Variants in SPATA16 observed in about 807,000 individuals in gnomAD.
SPATA16 encodes the protein spermatogenesis-associated protein 16.
In SPATA16, 36 loss-of-function variants were observed where a neutral mutation model predicts 63.3. The ratio of observed to expected loss-of-function variants is 0.57; its 90% CI spans 0.44 to 0.75. The LOEUF (loss-of-function observed/expected upper bound fraction) is 0.75. Among genes scored for constraint, SPATA16 ranks in the 30% least tolerant of loss-of-function variants. SPATA16 has a pLI of 0.00. For synonymous variants in SPATA16, 203 were observed against 216.7 expected (o/e 0.94, Z 0.56); for missense variants, 646 against 679.3 (o/e 0.95, Z 0.54).
At chr3:173,053,480 TCTAA>T (rs1467523817) in intron 2 of SPATA16, among the ~76,000 whole-genome samples, 1 of 152,170 alleles carries the variant, frequency 6.6e-6, no homozygotes, top group East Asian at 1.9e-4. Context: ...GAAATAAATA[TCTAA>T]CTTACTTTTA....
chr3:172,892,400 CT>C (rs1731910616), intron 10 of SPATA16, among the ~76,000 whole-genome samples: 1 of 152,206 alleles, frequency 6.6e-6, no homozygotes, highest in Non-Finnish European at 1.5e-5. Context: ...AAAGACACAT[CT>C]GGTCATAAAA....
Position 173,006,170 on chromosome 3 carries a change from C to T in SPATA16, c.848+13316G>A, listed in dbSNP as rs79060445. Among the ~76,000 whole-genome samples the T allele has an allele frequency of 3.4e-3, 523 of 152,284 alleles. 4 individuals carry two copies. The highest frequency in any genetic ancestry group is 0.012 in the African/African-American group (498 of 41,570). On this transcript the variant is annotated intron_variant, in intron 4 of 10. Transcript: ENST00000351008. The stretch of plus-strand genomic sequence containing the variant: ...CAGTTTTAGATATCATACACCAAGA[C>T]ACAACATTTTTACAGTGCTTAGCAT...
intron 2 of SPATA16, among the ~76,000 whole-genome samples, chr3:173,102,094 T>G (rs1186408785): frequency 2.0e-5 from 3 of 152,196 alleles, no homozygotes; most frequent in Non-Finnish European, 4.4e-5. Context: ...ATCCCTTTCC[T>G]TAGAGAGGTC....
At chr3:173,069,188 T>C (rs563444492) in intron 2 of SPATA16, among the ~76,000 whole-genome samples, 1 of 146,904 alleles carries the variant, frequency 6.8e-6, no homozygotes, top group South Asian at 2.2e-4. Flanking sequence ...ACAAAACACA[T>C]AATGAAATGA....
chr3:173,040,035 CTA>C (rs1330388739), intron 3 of SPATA16, among the ~76,000 whole-genome samples: 2 of 152,128 alleles, frequency 1.3e-5, no homozygotes, highest in African/African-American at 4.8e-5. Context: ...TCTGTCTTTG[CTA>C]TGTCTTTACA....
intron 4 of SPATA16, among the ~76,000 whole-genome samples, chr3:173,005,438 T>A (rs1490272744): frequency 6.6e-6 from 1 of 152,076 alleles, no homozygotes; most frequent in African/African-American, 2.4e-5. Flanking sequence ...TGTTCCCTCT[T>A]TTGTAGTTTT....
At chr3:173,051,498 G>A (rs913657583) in intron 2 of SPATA16, among the ~76,000 whole-genome samples, 4 of 151,940 alleles carry the variant, frequency 2.6e-5, no homozygotes, top group African/African-American at 9.7e-5. Context: ...ACCGTGCCCA[G>A]CCAATTTTTG....
At chr3:173,097,579 A>G (rs1737389562) in intron 2 of SPATA16, among the ~76,000 whole-genome samples, 1 of 152,214 alleles carries the variant, frequency 6.6e-6, no homozygotes, top group Non-Finnish European at 1.5e-5. Context: ...AGGCATGAAC[A>G]GAAAATGTGT....
At chr3:173,109,444 C>A (rs1197107679) in intron 2 of SPATA16, among the ~76,000 whole-genome samples, 1 of 152,092 alleles carries the variant, frequency 6.6e-6, no homozygotes, top group Non-Finnish European at 1.5e-5. Context: ...AAGAGTGGCC[C>A]ATCAAAATGA....
At chr3:172,910,221 G>T (rs1030015082) in intron 10 of SPATA16, among the ~76,000 whole-genome samples, 5 of 151,620 alleles carry the variant, frequency 3.3e-5, no homozygotes, top group African/African-American at 1.2e-4. Flanking sequence ...AGCCTCCTGA[G>T]TAGCTGGGAT....
At chr3:173,059,491 T>C (rs917785693) in intron 2 of SPATA16, among the ~76,000 whole-genome samples, 2 of 152,016 alleles carry the variant, frequency 1.3e-5, no homozygotes, top group African/African-American at 4.8e-5. Flanking sequence ...TATATAAATT[T>C]GTTGTATGCT....
At chr3:173,030,052 ACTTTACTATCTATCTAT>A (rs1353365955) in intron 3 of SPATA16, among the ~76,000 whole-genome samples, 1 of 134,176 alleles carries the variant, frequency 7.5e-6, no homozygotes, top group African/African-American at 2.8e-5. Flanking sequence ...CAGAGTGGTT[ACTTTACTATCTATCTAT>A]CTATCTATCT....
chr3:172,991,302 C>G (rs1734572200), intron 4 of SPATA16, among the ~76,000 whole-genome samples: 1 of 152,116 alleles, frequency 6.6e-6, no homozygotes, highest in Non-Finnish European at 1.5e-5. Context: ...ACAATATATC[C>G]TTTCTCTACT....
At chr3:172,998,881 ACCTG>A (rs1167155759) in intron 4 of SPATA16, among the ~76,000 whole-genome samples, 1 of 152,190 alleles carries the variant, frequency 6.6e-6, no homozygotes, top group Non-Finnish European at 1.5e-5. Context: ...ATTTTTCTAT[ACCTG>A]GAATACATTC....
intron 4 of SPATA16, among the ~76,000 whole-genome samples, chr3:173,012,948 C>T (rs932678644): frequency 3.3e-5 from 5 of 152,132 alleles, no homozygotes; most frequent in African/African-American, 1.2e-4. Context: ...AGCTTCTGCA[C>T]AGCAAAATAA....
At chr3:173,114,469 G>A (rs1001478117) in intron 2 of SPATA16, among the ~76,000 whole-genome samples, 2 of 152,138 alleles carry the variant, frequency 1.3e-5, no homozygotes, top group East Asian at 1.9e-4. Flanking sequence ...TGGATAGAAT[G>A]TGTATCTGAT....
intron 2 of SPATA16, among the ~76,000 whole-genome samples, chr3:173,109,305 C>T (rs569225707): frequency 5.9e-5 from 9 of 152,272 alleles, no homozygotes; most frequent in Admixed American, 4.6e-4. Flanking sequence ...AACTGTGGCT[C>T]TTCCCCTGCT....
chr3:173,102,336 A>G (rs1164597769), intron 2 of SPATA16, among the ~76,000 whole-genome samples: 1 of 152,218 alleles, frequency 6.6e-6, no homozygotes, highest in Admixed American at 6.5e-5. Context: ...CATTGTTATA[A>G]AGAAATACCC....
chr3:172,917,354 A>T (rs1732516677), intron 8 of SPATA16, among the ~76,000 whole-genome samples: 1 of 152,238 alleles, frequency 6.6e-6, no homozygotes, highest in Admixed American at 6.5e-5. Flanking sequence ...TTAACATAAA[A>T]GCCTTGAGTT....
Sources: allele counts gnomAD v4.1 joint callset (sites outside exome capture counted in the v4.1 genomes callset), GRCh38; gene constraint gnomAD v4.1.1; transcripts MANE v1.5; gene names NCBI Gene and HGNC (gene_info 2026-07-23, HGNC 2026-07-21).